Variants in C1orf21 observed in about 807,000 individuals in gnomAD.
C1orf21 encodes the protein chromosome 1 open reading frame 21, also known as uncharacterized protein C1orf21.
C1orf21 carries 3 observed loss-of-function variants against 18.7 expected under a neutral mutation model. That is an observed-to-expected ratio of 0.16 (90% CI 0.07 to 0.42). The LOEUF is 0.42. Among genes scored for constraint, C1orf21 ranks in the 10% least tolerant of loss-of-function variants. The pLI is 0.99. For synonymous variants in C1orf21, 41 were observed against 46.4 expected (o/e 0.88, Z 0.47); for missense variants, 104 against 143.6 (o/e 0.72, Z 1.41).
chr1:184,615,045 A>C (rs1659800282), intron 5 of C1orf21, among the ~76,000 whole-genome samples: 1 of 152,180 alleles, frequency 6.6e-6, no homozygotes, highest in Non-Finnish European at 1.5e-5. Flanking sequence ...CAGTTTCTTA[A>C]AGTCACTCTT....
At chr1:184,440,936 G>T (rs1052480621) in intron 1 of C1orf21, among the ~76,000 whole-genome samples, 1 of 152,202 alleles carries the variant, frequency 6.6e-6, no homozygotes, top group African/African-American at 2.4e-5. Flanking sequence ...ATAGCTGAAA[G>T]ATAGAGAAGT....
At chr1:184,506,116 G>C (rs1448417406) in intron 2 of C1orf21, among the ~76,000 whole-genome samples, 1 of 151,898 alleles carries the variant, frequency 6.6e-6, no homozygotes, top group African/African-American at 2.4e-5. Flanking sequence ...TTTAGGACCT[G>C]GTATTCCTAA....
chr1:184,489,534 G>C (rs1347117619), intron 2 of C1orf21, among the ~76,000 whole-genome samples: 1 of 152,164 alleles, frequency 6.6e-6, no homozygotes, highest in Non-Finnish European at 1.5e-5. Context: ...AAATGTAAAT[G>C]AGCATGCCCT....
chr1:184,600,447 G>A (rs1014140569), intron 5 of C1orf21, among the ~76,000 whole-genome samples: 29 of 152,280 alleles, frequency 1.9e-4, no homozygotes, highest in Middle Eastern at 3.4e-3. Flanking sequence ...GATTATGGGC[G>A]TTGAGCCACC....
chr1:184,494,202 G>C lies in C1orf21; in HGVS notation c.95-13386G>C, dbSNP rs1657856990. On this transcript the variant is annotated intron_variant, in intron 2 of 5. Coordinates refer to ENST00000235307, the MANE Select transcript of C1orf21 (RefSeq NM_030806.4). ...CCATGAGAATACCTGGGAACAGAAT[G>C]TTTCAGGCAGAGAAACAACAAAGCC... Among the ~76,000 whole-genome samples, 3 of 152,308 alleles carry C rather than the reference G, an allele frequency of 2.0e-5. No homozygotes were observed. In the South Asian group the frequency reaches 6.2e-4, roughly 32 times the overall value.
In C1orf21 at chr1:184,497,480, C is replaced by T. The variant is rs547638151; in HGVS notation, c.95-10108C>T. On this transcript the variant is annotated intron_variant, in intron 2 of 5. Transcript: ENST00000235307. ...CCTGCTGCCTCCCCGCGTGCACACA[C>T]GAGAGTGGGTGCTCCCACCAGCTTT... is the stretch of plus-strand genomic sequence containing the variant. 5.3e-5 allele frequency among the ~76,000 whole-genome samples: 8 copies of T among 152,330 alleles called. No individual in the cohort carries two copies. In the South Asian group the frequency reaches 1.5e-3, roughly 28 times the overall value.
At chr1:184,428,259 A>G (rs565125420) in intron 1 of C1orf21, among the ~76,000 whole-genome samples, 1 of 152,364 alleles carries the variant, frequency 6.6e-6, no homozygotes, top group East Asian at 1.9e-4. Flanking sequence ...GCTGTCCCAC[A>G]TGGTATATCA....
chr1:184,456,259 G>T (rs1412764280), intron 1 of C1orf21, among the ~76,000 whole-genome samples: 2 of 152,146 alleles, frequency 1.3e-5, no homozygotes, highest in Non-Finnish European at 2.9e-5. Context: ...CTGTGTGCCT[G>T]TCCTCAAGCT....
At chr1:184,511,046 C>T (rs1452712219) in intron 3 of C1orf21, among the ~76,000 whole-genome samples, 1 of 152,118 alleles carries the variant, frequency 6.6e-6, no homozygotes, top group African/African-American at 2.4e-5. Context: ...AAGATTTAGA[C>T]CCGCTGGAAC....
At chr1:184,478,057 G>A (rs1271921446) in intron 2 of C1orf21, among the ~76,000 whole-genome samples, 5 of 151,846 alleles carry the variant, frequency 3.3e-5, no homozygotes, top group Non-Finnish European at 7.4e-5. Flanking sequence ...GAACATGGAG[G>A]TTTTTTTTGC....
intron 3 of C1orf21, among the ~76,000 whole-genome samples, chr1:184,590,299 G>A (rs1406582984): frequency 6.6e-6 from 1 of 152,198 alleles, no homozygotes; most frequent in East Asian, 1.9e-4. Flanking sequence ...TCCTGTTCCT[G>A]TCACGGCTAG....
intron 1 of C1orf21, among the ~76,000 whole-genome samples, chr1:184,450,860 A>T (rs1227258654): frequency 1.3e-5 from 2 of 152,144 alleles, no homozygotes; most frequent in Non-Finnish European, 1.5e-5. Flanking sequence ...ACAGTATAAA[A>T]ATTGTGTGTT....
In C1orf21 at chr1:184,621,413, C is replaced by T. The variant is rs998751211; in HGVS notation, c.*1857C>T. 3 of 152,618 alleles carry T rather than the reference C, an allele frequency of 2.0e-5. No homozygotes were observed. Among genetic ancestry groups the T allele is most frequent in the Non-Finnish European group, 4.4e-5 (3 of 68,042 alleles). 9.5% of individuals were successfully genotyped at this position (152,618 alleles called of 1,614,324 possible). A position where few individuals can be genotyped will look rare whatever the true frequency, so the allele number is the denominator to read the frequency against. ...AAAAATGCAGGGAGAGTCAAGTAGT[C>T]TAGGGTTTCAGGTTGCCTCCCCTCA... On this transcript the variant is annotated 3_prime_UTR_variant, in exon 6 of 6. Transcript: ENST00000235307.
At chr1:184,586,804 A>G (rs937109190) in intron 3 of C1orf21, among the ~76,000 whole-genome samples, 3 of 151,854 alleles carry the variant, frequency 2.0e-5, no homozygotes, top group Non-Finnish European at 2.9e-5. Flanking sequence ...CCATTTGTCA[A>G]TTTTTGCTCT....
chr1:184,514,263 C>G (rs553031496), intron 3 of C1orf21, among the ~76,000 whole-genome samples: 16 of 152,276 alleles, frequency 1.1e-4, no homozygotes, highest in African/African-American at 3.8e-4. Context: ...TCTGATCATG[C>G]CAGTGCTCTC....
At chr1:184,456,525 AT>A (rs1249451267) in intron 1 of C1orf21, among the ~76,000 whole-genome samples, 1 of 152,224 alleles carries the variant, frequency 6.6e-6, no homozygotes, top group Non-Finnish European at 1.5e-5. Context: ...AGGTTATGAT[AT>A]GTTTATATTC....
At chr1:184,450,938 C>T (rs1206623921) in intron 1 of C1orf21, among the ~76,000 whole-genome samples, 7 of 152,170 alleles carry the variant, frequency 4.6e-5, no homozygotes, top group East Asian at 1.9e-4. Context: ...AGTGCAGTGG[C>T]GCAATCTCAG....
chr1:184,398,149 A>G (rs1198256961), intron 1 of C1orf21, among the ~76,000 whole-genome samples: 2 of 152,196 alleles, frequency 1.3e-5, no homozygotes, highest in East Asian at 1.9e-4. Context: ...TTGAATGACA[A>G]CGGCAATAAT....
At chr1:184,512,715 CT>C (rs1213820265) in intron 3 of C1orf21, among the ~76,000 whole-genome samples, 1 of 152,154 alleles carries the variant, frequency 6.6e-6, no homozygotes, top group African/African-American at 2.4e-5. Context: ...ATATCAAAAA[CT>C]TTCAGACTTC....
Sources: gnomAD v4.1 joint callset for allele counts (sites outside exome capture counted in the v4.1 genomes callset) on GRCh38, gnomAD v4.1.1 for gene constraint, MANE v1.5 for transcripts, NCBI Gene and HGNC (gene_info 2026-07-23, HGNC 2026-07-21) for gene names.